ERCC8: variants seen among roughly 807,000 people sequenced by gnomAD.
ERCC8 encodes the protein DNA excision repair protein ERCC-8.
ERCC8 carries 52 observed loss-of-function variants against 54.9 expected under a neutral mutation model. The observed-to-expected ratio is 0.95, with a 90% CI of 0.76 to 1.19. The LOEUF is 1.19. Among genes scored for constraint, ERCC8 ranks in the 50% most tolerant of loss-of-function variants. The pLI is 0.00. For missense variants in ERCC8, 514 were observed against 466.1 expected, an observed-to-expected ratio of 1.10 and a Z score of -0.95; for synonymous variants, 146 against 157.2, an observed-to-expected ratio of 0.93 and a Z score of 0.53.
intron 11 of ERCC8, among the ~76,000 whole-genome samples, chr5:60,882,249 GAA>G (rs1271140217): frequency 6.6e-6 from 1 of 152,156 alleles, no homozygotes; most frequent in East Asian, 1.9e-4. Context: ...GAAAACAGTA[GAA>G]AAAGTTACGT....
intron 1 of ERCC8, among the ~76,000 whole-genome samples, chr5:60,930,416 G>C (rs1014913327): frequency 6.6e-6 from 1 of 152,084 alleles, no homozygotes; most frequent in African/African-American, 2.4e-5. Flanking sequence ...AATTAGCTGG[G>C]CGTGGTGGCC....
chr5:60,879,829 T>C (rs1484462924), intron 11 of ERCC8, among the ~76,000 whole-genome samples: 2 of 152,232 alleles, frequency 1.3e-5, no homozygotes, highest in Non-Finnish European at 2.9e-5. Context: ...AATTTGCCAG[T>C]CTGTGTCTTT....
chr5:60,920,331 T>A (rs1749565980), intron 3 of ERCC8, among the ~76,000 whole-genome samples: 1 of 152,016 alleles, frequency 6.6e-6, no homozygotes, highest in Non-Finnish European at 1.5e-5. Context: ...ATTTTTCCAG[T>A]GATACTACTT....
chr5:60,943,982 A>G (rs1314642727), intron 1 of ERCC8, among the ~76,000 whole-genome samples: 3 of 152,218 alleles, frequency 2.0e-5, no homozygotes, highest in Non-Finnish European at 4.4e-5. Context: ...CGCAGAACTC[A>G]TAAGCAACTG....
At chr5:60,921,962 T>C in intron 3 of ERCC8, 92 bp downstream of exon 3, 1 of 820,940 alleles carries the variant, frequency 1.2e-6, no homozygotes, top group Non-Finnish European at 2.1e-6. Flanking sequence ...GCTTGACCCA[T>C]TCACTTGACT....
chr5:60,892,769 C>A, intron 9 of ERCC8: 1 of 690,294 alleles, frequency 1.4e-6, no homozygotes, highest in South Asian at 1.6e-5. Flanking sequence ...CATCCAGCAG[C>A]CGGATGAACT....
At chr5:60,927,692 A>G (rs963258187) in intron 2 of ERCC8, among the ~76,000 whole-genome samples, 4 of 152,134 alleles carry the variant, frequency 2.6e-5, no homozygotes, top group Non-Finnish European at 5.9e-5. Flanking sequence ...CAAACCCAAA[A>G]GTCAGCTATC....
chr5:60,877,651 T>A (rs1579981347), intron 11 of ERCC8, among the ~76,000 whole-genome samples: 1 of 152,236 alleles, frequency 6.6e-6, no homozygotes, highest in Admixed American at 6.5e-5. Flanking sequence ...TGAATGGAAG[T>A]TCACTCGTGA....
At chr5:60,938,493 A>G (rs1176976739) in intron 1 of ERCC8, among the ~76,000 whole-genome samples, 2 of 151,456 alleles carry the variant, frequency 1.3e-5, no homozygotes, top group African/African-American at 4.9e-5. Context: ...AGCTGGGATT[A>G]CAGGCGTGTG....
intron 1 of ERCC8, among the ~76,000 whole-genome samples, chr5:60,942,562 A>T (rs902619851): frequency 2.0e-5 from 3 of 152,222 alleles, no homozygotes; most frequent in Admixed American, 6.5e-5. Context: ...TTCCATTTAT[A>T]TAAAATACTA....
Position 60,867,323 on chromosome 5 carries a change from CG to C in ERCC8, c.*7291del, listed in dbSNP as rs1747774889. Among the ~76,000 whole-genome samples the C allele has an allele frequency of 6.6e-6, 1 of 151,920 alleles. No individual in the cohort carries two copies. Among genetic ancestry groups the C allele is most frequent in the Admixed American group, 6.6e-5 (1 of 15,260 alleles). On this transcript the variant is annotated 3_prime_UTR_variant, in exon 12 of 12. Transcript: ENST00000676185. ...AGGGTGGAGTGCAGTGGGGCGATCTCGGCTCACTGCAACCTCCGCCTTCAGG... is the reference window on the plus strand; with the variant it reads ...AGGGTGGAGTGCAGTGGGGCGATCTCGCTCACTGCAACCTCCGCCTTCAGG...
At chr5:60,943,276 A>G (rs1750318306) in intron 1 of ERCC8, among the ~76,000 whole-genome samples, 1 of 152,152 alleles carries the variant, frequency 6.6e-6, no homozygotes, top group African/African-American at 2.4e-5. Flanking sequence ...GCCTCAAAAA[A>G]AAAATATTTT....
rs1747849144 is a variant in ERCC8 at position 60,870,897 on chromosome 5, TG to T, written c.*3717del. Among the ~76,000 whole-genome samples the T allele has an allele frequency of 6.6e-6, 1 of 152,128 alleles. No homozygotes were observed. The highest frequency in any genetic ancestry group is 1.5e-5 in the Non-Finnish European group (1 of 68,000). On this transcript the variant is annotated 3_prime_UTR_variant, in exon 12 of 12. Transcript: ENST00000676185. ...AGATTTCTTGACGAGATTAAGAAAC[TG>T]TAAGTTTTTACTTTTTTCTTTTAAA... is the stretch of plus-strand genomic sequence containing the variant.
At chr5:60,942,271 A>G (rs1345771400) in intron 1 of ERCC8, among the ~76,000 whole-genome samples, 1 of 152,166 alleles carries the variant, frequency 6.6e-6, no homozygotes, top group Non-Finnish European at 1.5e-5. Flanking sequence ...TTAAAAAGTA[A>G]AGGATTTATC....
chr5:60,871,990 C>A lies in ERCC8; in HGVS notation c.*2625G>T, dbSNP rs776280071. 4.6e-5 allele frequency among the ~76,000 whole-genome samples: 7 copies of A among 151,898 alleles called. No individual in the cohort carries two copies. The highest frequency in any genetic ancestry group is 8.8e-5 in the Non-Finnish European group (6 of 67,958). On this transcript the variant is annotated 3_prime_UTR_variant, in exon 12 of 12. Transcript: ENST00000676185. ...AATTTTTGTATTTTTTATTTAGAGA[C>A]GAGGTTTTGCCATGTTGCCCAGGCT...
At chr5:60,893,003 CT>C in intron 9 of ERCC8, 1 of 777,704 alleles carries the variant, frequency 1.3e-6, no homozygotes, top group South Asian at 1.3e-5. Context: ...GGGTCCTGGC[CT>C]TGAAAGCCAC....
chr5:60,893,980 TTA>T (rs1748647266), intron 9 of ERCC8, among the ~76,000 whole-genome samples: 1 of 122,760 alleles, frequency 8.1e-6, no homozygotes, highest in African/African-American at 3.4e-5. Flanking sequence ...TCCTGGGAAT[TTA>T]TCTTTTTTTT....
At chr5:60,931,482 A>AT (rs1210194244) in intron 1 of ERCC8, among the ~76,000 whole-genome samples, 14 of 151,822 alleles carry the variant, frequency 9.2e-5, no homozygotes, top group South Asian at 2.1e-4. Flanking sequence ...AAGTTTTGGT[A>AT]TTTTTTTGCA....
chr5:60,882,970 A>AACACACACACACACACACACAC (rs10550173), intron 11 of ERCC8, among the ~76,000 whole-genome samples: 2 of 144,832 alleles, frequency 1.4e-5, no homozygotes, highest in African/African-American at 5.1e-5. Flanking sequence ...GCCCTGGGAA[A>AACACACACACACACACACACAC]ACACACACAC....
Sources: gnomAD v4.1 joint callset for allele counts (sites outside exome capture counted in the v4.1 genomes callset) on GRCh38, gnomAD v4.1.1 for gene constraint, MANE v1.5 for transcripts, NCBI Gene and HGNC (gene_info 2026-07-23, HGNC 2026-07-21) for gene names.